CCDC170: variants seen among roughly 807,000 people sequenced by gnomAD.
The protein encoded by CCDC170 is coiled-coil domain containing 170.
A neutral mutation model predicts 72.6 loss-of-function variants in CCDC170; 69 were observed. That is an observed-to-expected ratio of 0.95 (90% CI 0.78 to 1.16). The LOEUF is 1.16. CCDC170 is among the 50% of genes most tolerant of loss of function. The pLI, the probability that CCDC170 is intolerant of heterozygous loss-of-function variation, is 0.00. For synonymous variants in CCDC170, 300 were observed against 303.9 expected (o/e 0.99, Z 0.13); for missense variants, 852 against 832.5 (o/e 1.02, Z -0.29).
chr6:151,510,228 A>G (rs1782129119), intron 1 of CCDC170, among the ~76,000 whole-genome samples: 1 of 152,198 alleles, frequency 6.6e-6, no homozygotes, highest in African/African-American at 2.4e-5. Context: ...TTACTGTGTC[A>G]TTTTGTTCAT....
In CCDC170 at chr6:151,620,997, C is replaced by T. The variant is rs1777052847; in HGVS notation, c.*2850C>T. ...TGATCTTTAACATACACAGAATGAT[C>T]TACAGTGATCTTTAACATACTCAGA... is the stretch of plus-strand genomic sequence containing the variant. On this transcript the variant is annotated 3_prime_UTR_variant, in exon 11 of 11. Transcript: ENST00000239374. 6.6e-6 allele frequency: 1 copy of T among 152,068 alleles called. No homozygotes were observed. Among genetic ancestry groups the T allele is most frequent in the Admixed American group, 6.6e-5 (1 of 15,264 alleles). 9.4% of individuals were successfully genotyped at this position (152,068 alleles called of 1,614,324 possible). A position where few individuals can be genotyped will look rare whatever the true frequency, so the allele number is the denominator to read the frequency against.
intron 1 of CCDC170, among the ~76,000 whole-genome samples, chr6:151,506,521 T>G (rs534909039): frequency 2.0e-5 from 3 of 152,350 alleles, no homozygotes; most frequent in African/African-American, 7.2e-5. Context: ...TTATTCAAGA[T>G]GCAGGCGATA....
chr6:151,526,274 G>T (rs1250162949), intron 1 of CCDC170, among the ~76,000 whole-genome samples: 1 of 151,406 alleles, frequency 6.6e-6, no homozygotes, highest in African/African-American at 2.4e-5. Context: ...CCAGGCTGGA[G>T]TGCAGTGGCA....
At chr6:151,608,948 A>G (rs1232745458) in intron 9 of CCDC170, among the ~76,000 whole-genome samples, 1 of 152,178 alleles carries the variant, frequency 6.6e-6, no homozygotes, top group Non-Finnish European at 1.5e-5. Context: ...GGTGTCCATG[A>G]TATGACTGTG....
chr6:151,576,234 T>TAAC (rs906525259), intron 6 of CCDC170, among the ~76,000 whole-genome samples: 3 of 152,140 alleles, frequency 2.0e-5, no homozygotes, highest in African/African-American at 7.2e-5. Flanking sequence ...TGCCCAAATA[T>TAAC]AGGCCAATGT....
intron 1 of CCDC170, among the ~76,000 whole-genome samples, chr6:151,498,299 C>CAACACA (rs1781940199): frequency 6.6e-6 from 1 of 152,148 alleles, no homozygotes; most frequent in African/African-American, 2.4e-5. Context: ...AGCTATAGTT[C>CAACACA]CTCAAAACAA....
At chr6:151,603,262 C>G (rs1435881971) in intron 9 of CCDC170, among the ~76,000 whole-genome samples, 2 of 152,128 alleles carry the variant, frequency 1.3e-5, no homozygotes, top group Admixed American at 6.6e-5. Context: ...AGTTTATTAT[C>G]TTTTGAGTTT....
chr6:151,573,373 C>T lies in CCDC170; in HGVS notation c.974C>T (p.Ser325Leu), dbSNP rs1483773456. ...AVTTSQSQYF[S>L]FREKIAALLR... ...ACAACCTCACAAAGCCAGTACTTCTCATTTAGGGAGAAAATCGCAGCCCTC... is the reference window on the plus strand; with the variant it reads ...ACAACCTCACAAAGCCAGTACTTCTTATTTAGGGAGAAAATCGCAGCCCTC... The change falls in exon 6 of 11, where the codon TCA becomes TTA. Residue 325 changes from serine (S) to leucine (L), a missense_variant. Ser to Leu is a moderately radical substitution (Grantham distance 145). Transcript: ENST00000239374. 2.5e-6 allele frequency: 4 copies of T among 1,614,034 alleles called. No individual in the cohort carries two copies. In the Admixed American group the frequency reaches 5.0e-5, roughly 20 times the overall value.
chr6:151,613,324 A>G (rs2115144616), intron 9 of CCDC170, among the ~76,000 whole-genome samples: 1 of 152,322 alleles, frequency 6.6e-6, no homozygotes, highest in African/African-American at 2.4e-5. Flanking sequence ...AATTGCTCGA[A>G]ACCAGAAAGC....
chr6:151,537,261 G>A (rs2082420338), intron 2 of CCDC170, among the ~76,000 whole-genome samples: 1 of 152,162 alleles, frequency 6.6e-6, no homozygotes, highest in South Asian at 2.1e-4. Context: ...ATAGCCTGGT[G>A]GCCCCAAGGA....
At chr6:151,535,800 C>T (rs959403753) in intron 1 of CCDC170, among the ~76,000 whole-genome samples, 5 of 152,004 alleles carry the variant, frequency 3.3e-5, no homozygotes, top group African/African-American at 1.2e-4. Context: ...GGCTGGGGTG[C>T]AGTGGTGCAA....
intron 6 of CCDC170, among the ~76,000 whole-genome samples, chr6:151,574,917 C>T (rs1475437680): frequency 1.3e-5 from 2 of 152,186 alleles, no homozygotes; most frequent in Non-Finnish European, 2.9e-5. Context: ...TCCTCCTTCT[C>T]TCCTTTTTTT....
At position 151,535,010 on chromosome 6, in the gene CCDC170, A is replaced by G. The variant is rs545444411; in HGVS notation, c.58-1308A>G. ...TCCATAGAGGTGGTGTAGATATCCAACCTCAGTAATAATTCTTGAAGGAAG... is the reference window on the plus strand; with the variant it reads ...TCCATAGAGGTGGTGTAGATATCCAGCCTCAGTAATAATTCTTGAAGGAAG... On this transcript the variant is annotated intron_variant, in intron 1 of 10. Coordinates refer to ENST00000239374, the MANE Select transcript of CCDC170 (RefSeq NM_025059.4). Among the ~76,000 whole-genome samples the G allele has an allele frequency of 6.0e-5, 9 of 150,108 alleles. No homozygotes were observed. In the East Asian group the frequency reaches 1.6e-3, roughly 26 times the overall value.
chr6:151,511,400 T>C (rs1366771747), intron 1 of CCDC170, among the ~76,000 whole-genome samples: 3 of 152,228 alleles, frequency 2.0e-5, no homozygotes, highest in Non-Finnish European at 4.4e-5. Flanking sequence ...GAAGCCTTTC[T>C]GTTTGTCTAT....
chr6:151,506,915 T>A (rs868242141), intron 1 of CCDC170, among the ~76,000 whole-genome samples: 1 of 152,154 alleles, frequency 6.6e-6, no homozygotes, highest in African/African-American at 2.4e-5. Context: ...AGTTCTTCCC[T>A]GGGTCTCGGG....
intron 7 of CCDC170, among the ~76,000 whole-genome samples, chr6:151,588,118 T>C (rs1776481072): frequency 6.6e-6 from 1 of 152,168 alleles, no homozygotes; most frequent in Non-Finnish European, 1.5e-5. Flanking sequence ...GACTCAGGCT[T>C]CACTGCGTAG....
chr6:151,586,941 C>T (rs4869745), intron 7 of CCDC170, among the ~76,000 whole-genome samples: 65,408 of 151,344 alleles, frequency 0.43, 16,611 homozygotes, highest in East Asian at 0.82. Flanking sequence ...CCCGCCACCA[C>T]GCCCGGCTAA....
In CCDC170 at chr6:151,554,046, C is replaced by T. The variant is rs558133155; in HGVS notation, c.774+5557C>T. ...TACTTCAGTTCCTTCAAGAAAATTT[C>T]GCAAATAAAAATCCAAGTGATTTGT... On this transcript the variant is annotated intron_variant, in intron 5 of 10. Coordinates refer to ENST00000239374, the MANE Select transcript of CCDC170 (RefSeq NM_025059.4). Among the ~76,000 whole-genome samples the T allele has an allele frequency of 3.5e-3, 532 of 152,110 alleles. 2 individuals are homozygous for T. Among genetic ancestry groups the T allele is most frequent in the Non-Finnish European group, 6.0e-3 (411 of 68,008 alleles).
intron 9 of CCDC170, among the ~76,000 whole-genome samples, chr6:151,605,862 G>T (rs1776774502): frequency 6.6e-6 from 1 of 151,150 alleles, no homozygotes; most frequent in Non-Finnish European, 1.5e-5. Context: ...ATATCTTGGG[G>T]TTCCGGGGGA....
Sources: allele counts gnomAD v4.1 joint callset (sites outside exome capture counted in the v4.1 genomes callset), GRCh38; gene constraint gnomAD v4.1.1; transcripts MANE v1.5; gene names NCBI Gene and HGNC (gene_info 2026-07-23, HGNC 2026-07-21).